Variants in PTPRZ1 observed in about 807,000 individuals in gnomAD.
PTPRZ1 encodes the protein receptor-type tyrosine-protein phosphatase zeta.
A neutral mutation model predicts 214.1 loss-of-function variants in PTPRZ1; 82 were observed. The observed-to-expected ratio is 0.38, with a 90% CI of 0.32 to 0.46. The LOEUF (loss-of-function observed/expected upper bound fraction) is 0.46. Ranked by LOEUF, PTPRZ1 falls within the 20% of genes least tolerant of loss-of-function variation. The probability of loss-of-function intolerance (pLI) is 1.00; values close to 1 mark genes in which losing one functional copy is unlikely to be tolerated. For missense variants in PTPRZ1, 2,603 were observed against 2,748.7 expected, an observed-to-expected ratio of 0.95 and a Z score of 1.19; for synonymous variants, 945 against 987.9, an observed-to-expected ratio of 0.96 and a Z score of 0.81.
intron 2 of PTPRZ1, among the ~76,000 whole-genome samples, chr7:121,933,366 T>A (rs1312726207): frequency 1.3e-5 from 2 of 152,138 alleles, no homozygotes; most frequent in Non-Finnish European, 2.9e-5. Flanking sequence ...ATCTTTATTT[T>A]CTGGACTTTA....
At chr7:121,926,048 T>C (rs1416976178) in intron 1 of PTPRZ1, among the ~76,000 whole-genome samples, 4 of 152,194 alleles carry the variant, frequency 2.6e-5, no homozygotes, top group Non-Finnish European at 4.4e-5. Flanking sequence ...CTCACGCCTG[T>C]AATTCCAGCA....
chr7:121,967,774 T>C (rs1007254102), intron 2 of PTPRZ1, among the ~76,000 whole-genome samples, 177 bp from the exon 3 acceptor site: 8 of 152,228 alleles, frequency 5.3e-5, no homozygotes, highest in African/African-American at 1.9e-4. Context: ...TTGTAGTGTT[T>C]CGTATTGAAA....
At chr7:122,035,200 A>G (rs1799499871) in intron 17 of PTPRZ1, among the ~76,000 whole-genome samples, 1 of 152,182 alleles carries the variant, frequency 6.6e-6, no homozygotes, top group South Asian at 2.1e-4. Flanking sequence ...TTCTGGTTTC[A>G]TTCTAGTTCT....
At chr7:121,938,903 G>C (rs757215832) in intron 2 of PTPRZ1, among the ~76,000 whole-genome samples, 3 of 152,084 alleles carry the variant, frequency 2.0e-5, no homozygotes, top group Non-Finnish European at 4.4e-5. Flanking sequence ...AGTAGTACCT[G>C]CTTTTATCTC....
intron 2 of PTPRZ1, among the ~76,000 whole-genome samples, chr7:121,949,826 AT>A (rs929805787): frequency 2.6e-5 from 4 of 152,008 alleles, no homozygotes; most frequent in African/African-American, 7.3e-5. Context: ...TAGAGGAAAT[AT>A]TTTTTTTCAC....
At chr7:121,928,290 A>G in intron 2 of PTPRZ1, 69 bp downstream of exon 2, 1 of 1,207,710 alleles carries the variant, frequency 8.3e-7, no homozygotes, top group Non-Finnish European at 1.2e-6. Context: ...TTTTATATAT[A>G]AAAGGAAGCT....
At chr7:121,997,498 GAA>G (rs981871586) in intron 9 of PTPRZ1, among the ~76,000 whole-genome samples, 1 of 151,908 alleles carries the variant, frequency 6.6e-6, no homozygotes, top group Non-Finnish European at 1.5e-5. Context: ...ATATTGTCAA[GAA>G]AAAGAGATAA....
intron 2 of PTPRZ1, among the ~76,000 whole-genome samples, chr7:121,937,712 A>G (rs1796125872): frequency 6.6e-6 from 1 of 152,208 alleles, no homozygotes; most frequent in African/African-American, 2.4e-5. Flanking sequence ...CATGCAAGCT[A>G]AACTTCATTC....
At chr7:121,892,203 T>C (rs865920362) in intron 1 of PTPRZ1, among the ~76,000 whole-genome samples, 7 of 152,314 alleles carry the variant, frequency 4.6e-5, no homozygotes, top group Middle Eastern at 6.8e-3. Flanking sequence ...GTAAGACATA[T>C]ATGTTATGTC....
At chr7:121,959,680 T>A (rs1796818568) in intron 2 of PTPRZ1, among the ~76,000 whole-genome samples, 1 of 152,236 alleles carries the variant, frequency 6.6e-6, no homozygotes, top group African/African-American at 2.4e-5. Flanking sequence ...AAAAGTGTCT[T>A]CTTAAGTATA....
At chr7:121,996,675 A>AT in intron 9 of PTPRZ1, 109 bp downstream of exon 9, 3 of 869,128 alleles carry the variant, frequency 3.5e-6, no homozygotes, top group Non-Finnish European at 5.0e-6. Flanking sequence ...TTTAGACTTT[A>AT]TGTGAAGGTG....
chr7:121,937,994 A>T (rs1464841890), intron 2 of PTPRZ1, among the ~76,000 whole-genome samples: 1 of 152,186 alleles, frequency 6.6e-6, no homozygotes, highest in African/African-American at 2.4e-5. Context: ...TAAGAAAATC[A>T]TGTATGTATC....
At chr7:121,892,134 G>T (rs1314759178) in intron 1 of PTPRZ1, among the ~76,000 whole-genome samples, 1 of 151,980 alleles carries the variant, frequency 6.6e-6, no homozygotes, top group Non-Finnish European at 1.5e-5. Flanking sequence ...TTAGCATTTG[G>T]GGTTGGGCTG....
chr7:121,908,373 ATC>A, intron 1 of PTPRZ1: 5 of 254,452 alleles, frequency 2.0e-5, no homozygotes, highest in South Asian at 4.0e-5. Context: ...GGAAAAGAAT[ATC>A]AACTATACAT....
Position 122,052,053 on chromosome 7 carries a change from G to C in PTPRZ1, c.6252+114G>C, listed in dbSNP as rs111467872. ...ATGGGCAAATGAGTGGTAAATTTAA[G>C]TTAAATCTGTTGACTGCAAGCCCAC... On this transcript the variant is annotated intron_variant, in intron 25 of 29. Transcript: ENST00000393386. The C allele has an allele frequency of 9.2e-4, 672 of 728,894 alleles. 3 individuals carry two copies. The highest frequency in any genetic ancestry group is 2.9e-3 in the East Asian group (100 of 34,086). 45.2% of individuals were successfully genotyped at this position (728,894 alleles called of 1,614,324 possible).
chr7:121,913,008 T>G (rs1056802354), intron 1 of PTPRZ1, among the ~76,000 whole-genome samples: 14 of 152,200 alleles, frequency 9.2e-5, no homozygotes, highest in Admixed American at 8.5e-4. Context: ...CACGTTTGCC[T>G]AGGTTAGGTG....
In PTPRZ1 at chr7:122,011,998, G is replaced by T. The variant is rs1798682146; in HGVS notation, c.2952G>T (p.Leu984=). The T allele has an allele frequency of 6.2e-7, 1 of 1,614,048 alleles. No homozygotes were observed. Among genetic ancestry groups the T allele is most frequent in the African/African-American group, 1.3e-5 (1 of 74,924 alleles). Residue 984 remains leucine (L), a synonymous_variant, in exon 12 of 30, where the codon CTG becomes CTT. Transcript: ENST00000393386. The part of the protein sequence containing the change: ...SSLITPTASL[L]QPTHALSGDG... ...TAATAACCCCAACTGCATCATTACT[G>T]CAGCCTACTCATGCCCTCTCTGGTG...
intron 1 of PTPRZ1, among the ~76,000 whole-genome samples, chr7:121,881,242 A>G (rs191684868): frequency 2.6e-5 from 4 of 152,354 alleles, no homozygotes; most frequent in Admixed American, 2.6e-4. Flanking sequence ...AGCCCTCGCC[A>G]GGAATCAAAT....
At chr7:121,947,269 A>T (rs1796412011) in intron 2 of PTPRZ1, among the ~76,000 whole-genome samples, 1 of 150,842 alleles carries the variant, frequency 6.6e-6, no homozygotes, top group Admixed American at 6.6e-5. Context: ...AAAAAAAAAA[A>T]GATATACAAC....
Sources: gnomAD v4.1 joint callset for allele counts (sites outside exome capture counted in the v4.1 genomes callset) on GRCh38, gnomAD v4.1.1 for gene constraint, MANE v1.5 for transcripts, NCBI Gene and HGNC (gene_info 2026-07-23, HGNC 2026-07-21) for gene names.